Variants in ABCC4 observed in about 807,000 individuals in gnomAD.
ABCC4 encodes ATP binding cassette subfamily C member 4 (PEL blood group), also known as ATP-binding cassette sub-family C member 4.
Under a neutral mutation model 168.5 loss-of-function variants are expected in ABCC4, and 102 were observed. The ratio of observed to expected loss-of-function variants is 0.61; its 90% CI spans 0.52 to 0.71. ABCC4 has a LOEUF of 0.71. Among genes scored for constraint, ABCC4 ranks in the 30% least tolerant of loss-of-function variants. The probability of loss-of-function intolerance (pLI) is 0.00; values close to 1 mark genes in which losing one functional copy is unlikely to be tolerated. For missense variants in ABCC4, 1,402 were observed against 1,605.8 expected, an observed-to-expected ratio of 0.87 and a Z score of 2.17; for synonymous variants, 617 against 590.7, an observed-to-expected ratio of 1.04 and a Z score of -0.65.
At chr13:95,197,324 T>A (rs1185803064) in intron 8 of ABCC4, among the ~76,000 whole-genome samples, 1 of 152,230 alleles carries the variant, frequency 6.6e-6, no homozygotes, top group Non-Finnish European at 1.5e-5. Flanking sequence ...AATAAAATTC[T>A]GATTTTAGCT....
Position 95,191,493 on chromosome 13 carries a change from T to TA in ABCC4, c.1264-2952dup, listed in dbSNP as rs2038249753. ...AACTATTTCTTTTTTAAAAAAGTAA[T>TA]ACATTACCTAAACACTTGGAAAAAT... On this transcript the variant is annotated intron_variant, in intron 9 of 30. Coordinates refer to ENST00000645237, the MANE Select transcript of ABCC4 (RefSeq NM_005845.5). Among the ~76,000 whole-genome samples the TA allele has an allele frequency of 2.0e-5, 3 of 152,204 alleles. No individual in the cohort carries two copies. The South Asian group carries it at 6.2e-4, about 32-fold the overall frequency.
chr13:95,062,676 G>A, intron 26 of ABCC4, 28 bp downstream of exon 26: 1 of 1,585,342 alleles, frequency 6.3e-7, no homozygotes, highest in Non-Finnish European at 8.6e-7. Flanking sequence ...TATAAAAGGG[G>A]CAGGTAAGGA....
rs79050185 is a variant in ABCC4, at chr13:95,065,209, C to T, written c.3211-2350G>A. Among the ~76,000 whole-genome samples, 925 of 152,338 alleles carry T rather than the reference C, an allele frequency of 6.1e-3. 5 individuals carry two copies. Among genetic ancestry groups the T allele is most frequent in the South Asian group, 0.022 (106 of 4,832 alleles). ...CCAAGCACTAAAAATATTACTTGTT[C>T]TGTTTCTTGACTCAATACCCTCACT... On this transcript the variant is annotated intron_variant, in intron 25 of 30. Coordinates refer to ENST00000645237, the MANE Select transcript of ABCC4 (RefSeq NM_005845.5).
chr13:95,029,421 G>A (rs1277069090), intron 30 of ABCC4, among the ~76,000 whole-genome samples: 1 of 151,974 alleles, frequency 6.6e-6, no homozygotes, highest in Non-Finnish European at 1.5e-5. Flanking sequence ...ATGCACAGAT[G>A]CTTGTTTATG....
rs569077175 is a variant in ABCC4 at position 95,115,756 on chromosome 13, C to T, written c.2535+166G>A. 3.9e-5 allele frequency among the ~76,000 whole-genome samples: 6 copies of T among 152,276 alleles called. No individual in the cohort carries two copies. The South Asian group carries it at 1.2e-3, about 32-fold the overall frequency. ...CAAGGTATTACTCATGCCAACTTAGCCTCTGAGTTATAACCGCACCTTTCT... is the reference window on the plus strand; with the variant it reads ...CAAGGTATTACTCATGCCAACTTAGTCTCTGAGTTATAACCGCACCTTTCT... On this transcript the variant is annotated intron_variant, in intron 20 of 30. Coordinates refer to ENST00000645237, the MANE Select transcript of ABCC4 (RefSeq NM_005845.5).
intron 20 of ABCC4, among the ~76,000 whole-genome samples, chr13:95,095,286 TTATCTATCTATCTATCTATCTATCTATC>T (rs55957658): frequency 2.1e-5 from 3 of 146,304 alleles, no homozygotes; most frequent in Non-Finnish European, 4.5e-5. Flanking sequence ...AACTGTGAGA[TTATCTATCTATCTATCTATCTATCTATC>T]TATCTATCTA....
chr13:95,043,847 A>G (rs1204931183), intron 28 of ABCC4, 60 bp from the exon 29 acceptor site: 4 of 1,177,434 alleles, frequency 3.4e-6, no homozygotes, highest in Non-Finnish European at 5.1e-6. Flanking sequence ...CTTAAGACTT[A>G]AAAAGCTCTA....
chr13:95,145,034 T>C (rs2036446098), intron 19 of ABCC4, among the ~76,000 whole-genome samples: 1 of 151,928 alleles, frequency 6.6e-6, no homozygotes, highest in Non-Finnish European at 1.5e-5. Context: ...TCACCAAGCA[T>C]ATGAAAAAAA....
rs74472702 is a variant in ABCC4 at position 95,100,279 on chromosome 13, G to T, written c.2535+15643C>A. ...ATGAGACTCTTAATTTTTTTCTTTA[G>T]GTCTTAATTAGCTTCTTGTTAAACT... is the stretch of plus-strand genomic sequence containing the variant. On this transcript the variant is annotated intron_variant, in intron 20 of 30. Coordinates refer to ENST00000645237, the MANE Select transcript of ABCC4 (RefSeq NM_005845.5). 6.7e-3 allele frequency among the ~76,000 whole-genome samples: 1,022 copies of T among 152,158 alleles called. 7 individuals are homozygous for T. Among genetic ancestry groups the T allele is most frequent in the Non-Finnish European group, 0.011 (750 of 67,998 alleles).
chr13:95,110,061 C>T (rs188053339), intron 20 of ABCC4, among the ~76,000 whole-genome samples: 197 of 152,298 alleles, frequency 1.3e-3, no homozygotes, highest in Non-Finnish European at 2.0e-3. Context: ...GTAATCCCAG[C>T]ACTTTTGGAG....
chr13:95,071,878 G>T, intron 24 of ABCC4, 25 bp from the exon 25 acceptor site: 2 of 1,446,194 alleles, frequency 1.4e-6, no homozygotes, highest in Non-Finnish European at 1.8e-6. Context: ...ACATCCCGAG[G>T]GGTTAGGAAT....
At chr13:95,159,974 C>T (rs866623289) in intron 19 of ABCC4, among the ~76,000 whole-genome samples, 7 of 152,204 alleles carry the variant, frequency 4.6e-5, no homozygotes, top group Admixed American at 1.3e-4. Context: ...CACCCAGTTT[C>T]ATGTGCTAGG....
At chr13:95,091,378 C>T (rs774009894) in intron 20 of ABCC4, among the ~76,000 whole-genome samples, 28 of 152,178 alleles carry the variant, frequency 1.8e-4, no homozygotes, top group Admixed American at 3.3e-4. Flanking sequence ...AAGAAAGAAT[C>T]TTAAGAGCTG....
At chr13:95,187,847 A>T (rs1403096967) in intron 10 of ABCC4, among the ~76,000 whole-genome samples, 1 of 152,162 alleles carries the variant, frequency 6.6e-6, no homozygotes, top group African/African-American at 2.4e-5. Context: ...CAATGCACAG[A>T]CATGACGTGT....
chr13:95,265,945 G>T (rs904602254), intron 1 of ABCC4, among the ~76,000 whole-genome samples: 1 of 152,140 alleles, frequency 6.6e-6, no homozygotes, highest in Non-Finnish European at 1.5e-5. Flanking sequence ...GGCTGTATCT[G>T]TCCCCCCCAG....
chr13:95,163,868 T>C (rs969499071), intron 16 of ABCC4, among the ~76,000 whole-genome samples: 3 of 151,788 alleles, frequency 2.0e-5, no homozygotes, highest in Non-Finnish European at 4.4e-5. Context: ...ACCCTATCTC[T>C]ACTAAAAATA....
At chr13:95,109,333 G>A (rs1019755326) in intron 20 of ABCC4, among the ~76,000 whole-genome samples, 2 of 151,964 alleles carry the variant, frequency 1.3e-5, no homozygotes, top group Non-Finnish European at 2.9e-5. Context: ...GACTTTCGCT[G>A]GTCCTTAAAG....
rs1212773669 is a variant in ABCC4 at position 95,206,423 on chromosome 13, T to A, written c.1161+109A>T. 6 of 1,447,692 alleles carry A rather than the reference T, an allele frequency of 4.1e-6. No homozygotes were observed. In the East Asian group the frequency reaches 1.4e-4, roughly 33 times the overall value. The allele number at this position is 1,447,692 out of a possible 1,614,324, so 89.7% of individuals were successfully genotyped here. ...TTCTGGAATGGCGGCACGTTTTGGT[T>A]ATGAGAGAGTTAAATGTCATTACAC... On this transcript the variant is annotated intron_variant, in intron 8 of 30. Coordinates refer to ENST00000645237, the MANE Select transcript of ABCC4 (RefSeq NM_005845.5).
intron 13 of ABCC4, among the ~76,000 whole-genome samples, chr13:95,172,324 A>G (rs1274234264): frequency 1.3e-5 from 2 of 152,346 alleles, no homozygotes; most frequent in Non-Finnish European, 2.9e-5. Context: ...GCTCACGCCT[A>G]TAATTCCAGC....
Sources: gnomAD v4.1 joint callset for allele counts (sites outside exome capture counted in the v4.1 genomes callset) on GRCh38, gnomAD v4.1.1 for gene constraint, MANE v1.5 for transcripts, NCBI Gene and HGNC (gene_info 2026-07-23, HGNC 2026-07-21) for gene names.